The following GPC6 variants were observed in gnomAD, a reference collection of about 807,000 sequenced individuals.
The protein encoded by GPC6 is glypican-6.
A neutral mutation model predicts 55.2 loss-of-function variants in GPC6; 14 were observed. The ratio of observed to expected loss-of-function variants is 0.25; its 90% CI spans 0.17 to 0.40. The LOEUF (loss-of-function observed/expected upper bound fraction) is 0.40. Among genes scored for constraint, GPC6 ranks in the 10% least tolerant of loss-of-function variants. The pLI is 1.00. For missense variants in GPC6, 641 were observed against 708.5 expected (o/e 0.90, Z 1.08); for synonymous variants, 278 against 259.6 (o/e 1.07, Z -0.68).
intron 1 of GPC6, among the ~76,000 whole-genome samples, chr13:93,275,083 G>T (rs1877680443): frequency 6.6e-6 from 1 of 152,172 alleles, no homozygotes; most frequent in African/African-American, 2.4e-5. Flanking sequence ...AAATATTACA[G>T]GTCCTGCTTC....
intron 6 of GPC6, among the ~76,000 whole-genome samples, chr13:94,362,732 G>C (rs938098101): frequency 2.0e-5 from 3 of 152,106 alleles, no homozygotes; most frequent in Non-Finnish European, 2.9e-5. Flanking sequence ...TACATGCCCA[G>C]AGCCTAGATG....
chr13:94,054,904 A>C (rs549792766), intron 4 of GPC6, among the ~76,000 whole-genome samples: 113 of 152,238 alleles, frequency 7.4e-4, no homozygotes, highest in Non-Finnish European at 1.5e-3. Context: ...TCTGAGTCTC[A>C]AACCCGAATT....
At chr13:93,229,555 G>A (rs1452733521) in intron 1 of GPC6, among the ~76,000 whole-genome samples, 2 of 152,144 alleles carry the variant, frequency 1.3e-5, no homozygotes, top group African/African-American at 4.8e-5. Flanking sequence ...AATTTCTGTA[G>A]TCACCATGAA....
intron 2 of GPC6, among the ~76,000 whole-genome samples, chr13:93,741,117 CTTTTTTTTTT>C (rs772541106): frequency 6.5e-5 from 5 of 77,184 alleles, no homozygotes; most frequent in Admixed American, 1.9e-4. Context: ...CATCCAGAAT[CTTTTTTTTTT>C]TTTTTTTTTT....
chr13:93,526,545 A>G (rs1315017419), intron 1 of GPC6, among the ~76,000 whole-genome samples: 1 of 152,020 alleles, frequency 6.6e-6, no homozygotes, highest in Non-Finnish European at 1.5e-5. Flanking sequence ...ATCCTTATAT[A>G]TTTTCTCTTC....
At chr13:94,130,817 C>A (rs1169718814) in intron 4 of GPC6, among the ~76,000 whole-genome samples, 2 of 152,098 alleles carry the variant, frequency 1.3e-5, no homozygotes, top group Non-Finnish European at 2.9e-5. Flanking sequence ...GTAGTAAATA[C>A]TAAGCATTAC....
intron 4 of GPC6, among the ~76,000 whole-genome samples, chr13:94,180,894 G>A (rs1012140745): frequency 1.3e-5 from 2 of 151,994 alleles, no homozygotes; most frequent in East Asian, 3.9e-4. Flanking sequence ...GAGAGAGAGA[G>A]AGAGGGAGAG....
At chr13:94,385,416 G>A (rs1880358335) in intron 7 of GPC6, among the ~76,000 whole-genome samples, 1 of 152,162 alleles carries the variant, frequency 6.6e-6, no homozygotes, top group Non-Finnish European at 1.5e-5. Flanking sequence ...ATTTCATCCT[G>A]AGATCAATGG....
At chr13:93,425,909 C>T (rs984985695) in intron 1 of GPC6, among the ~76,000 whole-genome samples, 1 of 152,156 alleles carries the variant, frequency 6.6e-6, no homozygotes, top group Non-Finnish European at 1.5e-5. Flanking sequence ...AGGTGCCCTG[C>T]AGCCCACGGC....
chr13:93,434,665 A>G (rs1269864938), intron 1 of GPC6, among the ~76,000 whole-genome samples: 1 of 152,148 alleles, frequency 6.6e-6, no homozygotes, highest in Non-Finnish European at 1.5e-5. Flanking sequence ...GTCTGTGCAG[A>G]TTGAGGCTGT....
intron 2 of GPC6, among the ~76,000 whole-genome samples, chr13:93,567,961 C>T (rs903559923): frequency 6.6e-6 from 1 of 152,072 alleles, no homozygotes; most frequent in African/African-American, 2.4e-5. Context: ...CACCATGACC[C>T]AAGAATAGCA....
At chr13:93,838,270 T>A (rs77298035) in intron 3 of GPC6, among the ~76,000 whole-genome samples, 3,245 of 152,270 alleles carry the variant, frequency 0.021, 57 homozygotes, top group South Asian at 0.064. Context: ...GACAGACGTA[T>A]GGATAAAATA....
At chr13:93,413,692 A>T (rs1350660383) in intron 1 of GPC6, among the ~76,000 whole-genome samples, 1 of 152,076 alleles carries the variant, frequency 6.6e-6, no homozygotes, top group Non-Finnish European at 1.5e-5. Flanking sequence ...AGGATGCATG[A>T]TGCTTTCACC....
chr13:93,341,789 G>A (rs575273965), intron 1 of GPC6, among the ~76,000 whole-genome samples: 15 of 149,722 alleles, frequency 1.0e-4, no homozygotes, highest in South Asian at 4.2e-4. Context: ...TGTTTTTGGC[G>A]TCTTAGTCAT....
chr13:93,347,826 G>T (rs1453223064), intron 1 of GPC6, among the ~76,000 whole-genome samples: 1 of 152,178 alleles, frequency 6.6e-6, no homozygotes, highest in Admixed American at 6.6e-5. Context: ...CCAAAAGCTT[G>T]CTGGGGAAGA....
chr13:93,914,228 C>T (rs546805709), intron 3 of GPC6, among the ~76,000 whole-genome samples: 113 of 152,238 alleles, frequency 7.4e-4, no homozygotes, highest in African/African-American at 2.7e-3. Flanking sequence ...CTCCCCACCC[C>T]ACAACAGGCC....
At chr13:94,213,028 T>C (rs945464840) in intron 4 of GPC6, among the ~76,000 whole-genome samples, 2 of 152,154 alleles carry the variant, frequency 1.3e-5, no homozygotes, top group Admixed American at 1.3e-4. Flanking sequence ...TGATGGCGGG[T>C]GCCTGTAATC....
intron 2 of GPC6, among the ~76,000 whole-genome samples, chr13:93,711,378 A>G (rs1447169062): frequency 6.6e-6 from 1 of 151,696 alleles, no homozygotes; most frequent in Admixed American, 6.6e-5. Context: ...TATCATGAGA[A>G]CAGCACAGCA....
chr13:93,635,181 A>C (rs2139577418), intron 2 of GPC6, among the ~76,000 whole-genome samples: 1 of 151,774 alleles, frequency 6.6e-6, no homozygotes, highest in Non-Finnish European at 1.5e-5. Context: ...TTCCTTATTG[A>C]TCCAAACTTT....
Sources: gnomAD v4.1 joint callset for allele counts (sites outside exome capture counted in the v4.1 genomes callset) on GRCh38, gnomAD v4.1.1 for gene constraint, MANE v1.5 for transcripts, NCBI Gene and HGNC (gene_info 2026-07-23, HGNC 2026-07-21) for gene names.